Variants in PPP3CB observed in about 807,000 individuals in gnomAD.
The protein encoded by PPP3CB is protein phosphatase 3 catalytic subunit beta, also known as serine/threonine-protein phosphatase 2B catalytic subunit beta isoform.
Under a neutral mutation model 66.4 loss-of-function variants are expected in PPP3CB, and 8 were observed. That is an observed-to-expected ratio of 0.12 (90% CI 0.07 to 0.22). The LOEUF (loss-of-function observed/expected upper bound fraction) is 0.22. PPP3CB is among the 10% of genes least tolerant of loss of function. The probability of loss-of-function intolerance (pLI) is 1.00; values close to 1 mark genes in which losing one functional copy is unlikely to be tolerated. For synonymous variants in PPP3CB, 208 were observed against 221.2 expected (o/e 0.94, Z 0.53); for missense variants, 319 against 642.5 (o/e 0.50, Z 5.44).
rs766155838 is a variant in PPP3CB, at chr10:73,438,308, A to C, written c.1509T>G (p.Gly503=). The C allele has an allele frequency of 1.9e-6, 3 of 1,613,976 alleles. No homozygotes were observed. Residue 503 remains glycine (G), a synonymous_variant, in exon 14 of 14, where the codon GGT becomes GGG. Coordinates refer to ENST00000360663, the MANE Select transcript of PPP3CB (RefSeq NM_021132.4). The part of the protein sequence containing the change: ...PPRKDAVQQD[G]FNSLNTAHAT... ...CATGTGCGGTGTTCAGAGAATTGAA[A>C]CCATCTTGCTGTACAGCATCTTTCC... is the stretch of plus-strand genomic sequence containing the variant.
intron 1 of PPP3CB, among the ~76,000 whole-genome samples, chr10:73,479,838 G>C (rs1473824105): frequency 1.3e-5 from 2 of 152,218 alleles, no homozygotes; most frequent in African/African-American, 4.8e-5. Flanking sequence ...TATAGTATTA[G>C]ATATTCTTTA....
At chr10:73,488,048 T>C (rs2057015473) in intron 1 of PPP3CB, among the ~76,000 whole-genome samples, 3 of 152,106 alleles carry the variant, frequency 2.0e-5, no homozygotes, top group Admixed American at 6.5e-5. Context: ...CCCAAAGTGC[T>C]GGGGTTAGGG....
chr10:73,472,075 A>C (rs2056710187), intron 4 of PPP3CB, among the ~76,000 whole-genome samples: 2 of 152,202 alleles, frequency 1.3e-5, no homozygotes, highest in African/African-American at 4.8e-5. Context: ...TATGAAGACA[A>C]AATATTTGCT....
chr10:73,481,757 C>G lies in PPP3CB; in HGVS notation c.86-2240G>C, dbSNP rs200753336. Among the ~76,000 whole-genome samples the G allele has an allele frequency of 9.2e-5, 14 of 151,436 alleles. No homozygotes were observed. In the East Asian group the frequency reaches 2.5e-3, roughly 27 times the overall value. ...TTTACAAGTGAGGTAAGAACTAAGG[C>G]AGAGAGATGCCAACCATTTCTAAAA... On this transcript the variant is annotated intron_variant, in intron 1 of 13. Coordinates refer to ENST00000360663, the MANE Select transcript of PPP3CB (RefSeq NM_021132.4).
rs1283785882 is a variant in PPP3CB at position 73,446,623 on chromosome 10, A to G, written c.1187-50T>C. 5 of 1,510,006 alleles carry G rather than the reference A, an allele frequency of 3.3e-6. No individual in the cohort carries two copies. The Middle Eastern group carries it at 5.1e-4, about 155-fold the overall frequency. 93.5% of individuals were successfully genotyped at this position (1,510,006 alleles called of 1,614,324 possible). Reference sequence around the variant, plus strand: ...AGAAAGGCTCAAGTTTAGGGCATGCATGCTTACAATATTCTATTAGCCTGT... The same window carrying G: ...AGAAAGGCTCAAGTTTAGGGCATGCGTGCTTACAATATTCTATTAGCCTGT... On this transcript the variant is annotated intron_variant, in intron 10 of 13. Coordinates refer to ENST00000360663, the MANE Select transcript of PPP3CB (RefSeq NM_021132.4).
chr10:73,494,936 C>T (rs760556362), intron 1 of PPP3CB, among the ~76,000 whole-genome samples: 1 of 152,186 alleles, frequency 6.6e-6, no homozygotes, highest in Non-Finnish European at 1.5e-5. Flanking sequence ...TCCCAGGAAG[C>T]TTGGAATCTT....
intron 1 of PPP3CB, among the ~76,000 whole-genome samples, chr10:73,488,166 T>C (rs11000682): frequency 0.017 from 2,542 of 152,234 alleles, 42 homozygotes; most frequent in Non-Finnish European, 0.026. Flanking sequence ...ATAGTTGAAA[T>C]TGAAGTCTTC....
intron 12 of PPP3CB, chr10:73,444,356 C>A: frequency 6.2e-6 from 3 of 481,478 alleles, no homozygotes; most frequent in South Asian, 3.9e-5. Context: ...ATTACATTTC[C>A]ATTTTAGTAA....
At chr10:73,481,331 G>A (rs1233361668) in intron 1 of PPP3CB, among the ~76,000 whole-genome samples, 1 of 151,554 alleles carries the variant, frequency 6.6e-6, no homozygotes, top group Non-Finnish European at 1.5e-5. Context: ...AATTAGCTGG[G>A]TGTGGTGGTG....
intron 4 of PPP3CB, among the ~76,000 whole-genome samples, chr10:73,473,847 T>C (rs1158810248): frequency 1.3e-5 from 2 of 151,936 alleles, no homozygotes; most frequent in Non-Finnish European, 2.9e-5. Context: ...AAAACAATGA[T>C]ATTTAAAAAA....
intron 10 of PPP3CB, 39 bp downstream of exon 10, chr10:73,454,373 T>C: frequency 6.7e-7 from 1 of 1,502,744 alleles, no homozygotes; most frequent in Non-Finnish European, 9.2e-7. Context: ...AAATACCATT[T>C]CACAGTAAAA....
intron 1 of PPP3CB, among the ~76,000 whole-genome samples, chr10:73,490,054 G>A (rs569800409): frequency 6.6e-6 from 1 of 152,164 alleles, no homozygotes; most frequent in Non-Finnish European, 1.5e-5. Context: ...CACTACAAGA[G>A]AATCTATCTT....
At chr10:73,444,385 A>C (rs1348603451) in intron 12 of PPP3CB, 1 of 570,622 alleles carries the variant, frequency 1.8e-6, no homozygotes, top group Non-Finnish European at 2.9e-6. Context: ...TCCCTGATTC[A>C]CATTCTGAAA....
chr10:73,459,496 T>C (rs2056486433), intron 9 of PPP3CB, among the ~76,000 whole-genome samples: 1 of 152,094 alleles, frequency 6.6e-6, no homozygotes, highest in Non-Finnish European at 1.5e-5. Flanking sequence ...AAAAAGAAAA[T>C]GAAAACATAA....
chr10:73,466,897 G>A (rs2132905203), intron 9 of PPP3CB: 1 of 152,114 alleles, frequency 6.6e-6, no homozygotes, highest in Middle Eastern at 3.4e-3. Flanking sequence ...AAATGGAAAA[G>A]AACATGATAG....
At chr10:73,492,556 A>G (rs535223334) in intron 1 of PPP3CB, among the ~76,000 whole-genome samples, 2 of 152,314 alleles carry the variant, frequency 1.3e-5, no homozygotes, top group African/African-American at 4.8e-5. Flanking sequence ...ATACGGTTAG[A>G]TATTTTTCCT....
In PPP3CB at chr10:73,437,710, A is replaced by G. The variant is rs543958583; in HGVS notation, c.*532T>C. The G allele has an allele frequency of 3.9e-5, 6 of 152,740 alleles. No homozygotes were observed. The highest frequency in any genetic ancestry group is 5.9e-5 in the Non-Finnish European group (4 of 68,080). 9.5% of individuals were successfully genotyped at this position (152,740 alleles called of 1,614,324 possible). On this transcript the variant is annotated 3_prime_UTR_variant, in exon 14 of 14. Transcript: ENST00000360663. ...ACAGAATTAGCCACATTTAAGAACT[A>G]TAGACCTGAGGTCAACATTTTGTAT...
chr10:73,462,140 CTTTTTTTTTTTTTT>C (rs1019088638), intron 9 of PPP3CB, among the ~76,000 whole-genome samples: 10 of 94,216 alleles, frequency 1.1e-4, no homozygotes, highest in African/African-American at 3.9e-4. Flanking sequence ...TAAACTCCTT[CTTTTTTTTTTTTTT>C]TTTTTTTTTT....
intron 12 of PPP3CB, among the ~76,000 whole-genome samples, chr10:73,442,770 T>C (rs2056169855): frequency 6.6e-6 from 1 of 151,936 alleles, no homozygotes; most frequent in Admixed American, 6.6e-5. Context: ...TGAAAATTTA[T>C]AATTTCAAAA....
Sources: allele counts gnomAD v4.1 joint callset (sites outside exome capture counted in the v4.1 genomes callset), GRCh38; gene constraint gnomAD v4.1.1; transcripts MANE v1.5; gene names NCBI Gene and HGNC (gene_info 2026-07-23, HGNC 2026-07-21).